SLC4A4: variants seen among roughly 807,000 people sequenced by gnomAD.
SLC4A4 encodes solute carrier family 4 member 4.
A neutral mutation model predicts 111.5 loss-of-function variants in SLC4A4; 27 were observed. The ratio of observed to expected loss-of-function variants is 0.24; its 90% CI spans 0.18 to 0.33. The LOEUF (loss-of-function observed/expected upper bound fraction) is 0.33, where lower values mean the gene tolerates loss of function less well. SLC4A4 is among the 10% of genes least tolerant of loss of function. The probability of loss-of-function intolerance (pLI) is 1.00; values close to 1 mark genes in which losing one functional copy is unlikely to be tolerated. For synonymous variants in SLC4A4, 443 were observed against 463.4 expected, an observed-to-expected ratio of 0.96 and a Z score of 0.57; for missense variants, 909 against 1,315.5, an observed-to-expected ratio of 0.69 and a Z score of 4.78.
In SLC4A4 at chr4:71,271,782, G is replaced by A. The variant is rs1030315477; in HGVS notation, c.253+16383G>A. Among the ~76,000 whole-genome samples the A allele has an allele frequency of 4.6e-5, 7 of 152,194 alleles. No individual in the cohort carries two copies. The South Asian group carries it at 8.3e-4, about 18-fold the overall frequency. On this transcript the variant is annotated intron_variant, in intron 3 of 25. Transcript: ENST00000264485. ...TCAATAACATAAAAATGCATTGCAA[G>A]GGGGCTAACATTTGCTGGGTGCCTA... is the stretch of plus-strand genomic sequence containing the variant.
At chr4:71,139,227 C>T (rs1238729454) in intron 2 of SLC4A4, among the ~76,000 whole-genome samples, 1 of 135,226 alleles carries the variant, frequency 7.4e-6, no homozygotes, top group Non-Finnish European at 1.6e-5. Flanking sequence ...GTATTTCTGG[C>T]AGCACTGGAC....
chr4:71,297,687 A>G (rs1247652696), intron 3 of SLC4A4, among the ~76,000 whole-genome samples: 1 of 150,520 alleles, frequency 6.6e-6, no homozygotes, highest in Non-Finnish European at 1.5e-5. Context: ...TCCGAGGTTC[A>G]AGTGATTCTC....
intron 2 of SLC4A4, among the ~76,000 whole-genome samples, chr4:71,101,539 G>C (rs1007582001): frequency 6.6e-6 from 1 of 152,112 alleles, no homozygotes; most frequent in Non-Finnish European, 1.5e-5. Context: ...ATTTGTCAGA[G>C]AGCAGTGGTT....
chr4:71,324,074 C>A (rs1199505369), intron 3 of SLC4A4, among the ~76,000 whole-genome samples: 2 of 151,896 alleles, frequency 1.3e-5, no homozygotes, highest in Non-Finnish European at 2.9e-5. Flanking sequence ...GGGGACCCAG[C>A]AAATTCTTGG....
intron 1 of SLC4A4, among the ~76,000 whole-genome samples, chr4:71,081,770 TC>T (rs1211644879): frequency 6.6e-6 from 1 of 152,110 alleles, no homozygotes; most frequent in African/African-American, 2.4e-5. Context: ...CGGCTCCTTC[TC>T]ATTTGGGATT....
intron 6 of SLC4A4, among the ~76,000 whole-genome samples, chr4:71,371,538 A>G (rs1013781003): frequency 7.9e-5 from 12 of 151,948 alleles, no homozygotes; most frequent in African/African-American, 2.7e-4. Context: ...GCCACCACAC[A>G]TGGCCCAGGA....
chr4:71,385,362 C>T (rs901612625), intron 6 of SLC4A4, among the ~76,000 whole-genome samples: 1 of 151,188 alleles, frequency 6.6e-6, no homozygotes, highest in Non-Finnish European at 1.5e-5. Context: ...TCCGACCCGG[C>T]TAATTTTGTA....
At chr4:71,447,862 T>C (rs1725375065) in intron 9 of SLC4A4, 129 bp downstream of exon 9, 10 of 735,024 alleles carry the variant, frequency 1.4e-5, no homozygotes, top group South Asian at 4.5e-5. Flanking sequence ...TGAGGTACGG[T>C]CATTTGAGAC....
chr4:71,227,563 A>G (rs1719131923), intron 1 of SLC4A4, among the ~76,000 whole-genome samples: 1 of 152,104 alleles, frequency 6.6e-6, no homozygotes, highest in African/African-American at 2.4e-5. Context: ...TCAGCTGTAG[A>G]TATTCCCTTT....
At chr4:71,455,019 C>T (rs1006666336) in intron 12 of SLC4A4, among the ~76,000 whole-genome samples, 2 of 152,186 alleles carry the variant, frequency 1.3e-5, no homozygotes, top group Non-Finnish European at 2.9e-5. Context: ...TGGGCTTTCT[C>T]ACAGTGGGGG....
chr4:71,155,178 C>T (rs1744425452), intron 2 of SLC4A4, among the ~76,000 whole-genome samples: 1 of 151,904 alleles, frequency 6.6e-6, no homozygotes, highest in Admixed American at 6.6e-5. Context: ...AGATAATTTC[C>T]CATGGACCCT....
At chr4:71,272,818 G>A (rs181171870) in intron 3 of SLC4A4, among the ~76,000 whole-genome samples, 380 of 152,220 alleles carry the variant, frequency 2.5e-3, no homozygotes, top group African/African-American at 8.2e-3. Flanking sequence ...TGGGGTCTCT[G>A]AGGAACCTAC....
At chr4:71,293,302 G>A (rs1209998408) in intron 3 of SLC4A4, among the ~76,000 whole-genome samples, 6 of 150,602 alleles carry the variant, frequency 4.0e-5, no homozygotes, top group South Asian at 4.3e-4. Flanking sequence ...GGTGGCTCAC[G>A]CCTGTAATCC....
At chr4:71,187,209 T>A (rs1438604706), upstream of SLC4A4, 1 of 151,886 alleles carries the variant, frequency 6.6e-6, no homozygotes, top group Non-Finnish European at 1.5e-5. Context: ...CCCCGCCGCG[T>A]CCCGGGCTCG....
At chr4:71,309,100 A>G (rs1309903862) in intron 3 of SLC4A4, among the ~76,000 whole-genome samples, 4 of 152,122 alleles carry the variant, frequency 2.6e-5, no homozygotes, top group Non-Finnish European at 5.9e-5. Flanking sequence ...TGACCATGCT[A>G]AGGACTGGAC....
At chr4:71,171,880 T>C (rs538539391) in intron 2 of SLC4A4, among the ~76,000 whole-genome samples, 2 of 152,358 alleles carry the variant, frequency 1.3e-5, no homozygotes, top group South Asian at 2.1e-4. Context: ...AAATAGTCAA[T>C]ACTTTCTGTA....
At chr4:71,342,658 G>A (rs1373780328) in intron 4 of SLC4A4, among the ~76,000 whole-genome samples, 1 of 152,136 alleles carries the variant, frequency 6.6e-6, no homozygotes, top group Non-Finnish European at 1.5e-5. Flanking sequence ...TAATTCAGGT[G>A]TAGTTTTCTG....
intron 2 of SLC4A4, among the ~76,000 whole-genome samples, chr4:71,096,661 G>A (rs532764333): frequency 6.6e-6 from 1 of 152,238 alleles, no homozygotes; most frequent in Non-Finnish European, 1.5e-5. Context: ...GTTCCAATAT[G>A]GCTGACAGGA....
chr4:71,142,983 A>C (rs1160655315), intron 2 of SLC4A4, among the ~76,000 whole-genome samples: 1 of 151,748 alleles, frequency 6.6e-6, no homozygotes, highest in Non-Finnish European at 1.5e-5. Flanking sequence ...GTTTTAGGGT[A>C]CATGTGCACA....
Sources: allele counts gnomAD v4.1 joint callset (sites outside exome capture counted in the v4.1 genomes callset), GRCh38; gene constraint gnomAD v4.1.1; transcripts MANE v1.5; gene names NCBI Gene and HGNC (gene_info 2026-07-23, HGNC 2026-07-21).